PHLPP1: variants seen among roughly 807,000 people sequenced by gnomAD.
The protein encoded by PHLPP1 is PH domain and leucine rich repeat protein phosphatase 1.
Under a neutral mutation model 117.2 loss-of-function variants are expected in PHLPP1, and 42 were observed. The ratio of observed to expected loss-of-function variants is 0.36; its 90% CI spans 0.28 to 0.46. The LOEUF (loss-of-function observed/expected upper bound fraction) is 0.46. Among genes scored for constraint, PHLPP1 ranks in the 20% least tolerant of loss-of-function variants. The pLI is 1.00. For missense variants in PHLPP1, 2,084 were observed against 2,241.9 expected, an observed-to-expected ratio of 0.93 and a Z score of 1.42; for synonymous variants, 1,042 against 970.7, an observed-to-expected ratio of 1.07 and a Z score of -1.37.
At chr18:62,726,416 T>C (rs1381948260) in intron 1 of PHLPP1, among the ~76,000 whole-genome samples, 1 of 152,010 alleles carries the variant, frequency 6.6e-6, no homozygotes, top group Admixed American at 6.6e-5. Flanking sequence ...AAGTCACTTA[T>C]ATTTTCTTTA....
At chr18:62,903,442 A>T (rs1481900580) in intron 7 of PHLPP1, among the ~76,000 whole-genome samples, 1 of 152,196 alleles carries the variant, frequency 6.6e-6, no homozygotes, top group African/African-American at 2.4e-5. Context: ...GAGAAAAGTG[A>T]ACTATTTCTT....
chr18:62,959,117 A>G (rs951238351), intron 13 of PHLPP1, among the ~76,000 whole-genome samples: 2 of 152,256 alleles, frequency 1.3e-5, no homozygotes, highest in Admixed American at 6.5e-5. Context: ...GGTTTGGGAA[A>G]GAGGTCATTG....
chr18:62,868,179 C>T (rs1915815033), intron 4 of PHLPP1, among the ~76,000 whole-genome samples: 2 of 152,040 alleles, frequency 1.3e-5, no homozygotes, highest in African/African-American at 4.8e-5. Flanking sequence ...TAACTTTTTT[C>T]TTTTCAATTT....
chr18:62,728,265 A>G (rs1243158565), intron 1 of PHLPP1, among the ~76,000 whole-genome samples: 2 of 151,714 alleles, frequency 1.3e-5, no homozygotes, highest in Non-Finnish European at 2.9e-5. Context: ...ACTGCACTCC[A>G]GCCTGGGCAA....
intron 1 of PHLPP1, among the ~76,000 whole-genome samples, chr18:62,778,992 T>C (rs899665697): frequency 6.6e-6 from 1 of 152,230 alleles, no homozygotes; most frequent in Non-Finnish European, 1.5e-5. Flanking sequence ...TCAGAGGCTA[T>C]TGAAAATTTG....
intron 14 of PHLPP1, among the ~76,000 whole-genome samples, chr18:62,965,511 G>C (rs894472344): frequency 1.7e-4 from 24 of 143,904 alleles, no homozygotes; most frequent in African/African-American, 6.2e-4. Flanking sequence ...CCAGGCCGGA[G>C]TGCAATGGCG....
At chr18:62,766,076 A>ATATATATATATATATATATATATAAT (rs1555670395) in intron 1 of PHLPP1, among the ~76,000 whole-genome samples, 1 of 21,648 alleles carries the variant, frequency 4.6e-5, no homozygotes, top group Admixed American at 7.9e-4. Flanking sequence ...AAAAAAAAAA[A>ATATATATATATATATATATATATAAT]ATATATATAT....
At chr18:62,743,148 G>A (rs183621139) in intron 1 of PHLPP1, among the ~76,000 whole-genome samples, 1 of 151,960 alleles carries the variant, frequency 6.6e-6, no homozygotes, top group Admixed American at 6.6e-5. Context: ...TAAATTAAGG[G>A]GCAGGTTAAT....
At chr18:62,892,333 C>T (rs1916448802) in intron 4 of PHLPP1, among the ~76,000 whole-genome samples, 4 of 151,922 alleles carry the variant, frequency 2.6e-5, no homozygotes, top group Admixed American at 2.6e-4. Flanking sequence ...AGGTGATCCA[C>T]CGGCCTCAGC....
chr18:62,917,014 A>T (rs1253822859), intron 9 of PHLPP1, among the ~76,000 whole-genome samples: 1 of 150,648 alleles, frequency 6.6e-6, no homozygotes, highest in African/African-American at 2.4e-5. Context: ...TCAGCCTCCC[A>T]AAGTGCTGGG....
chr18:62,969,968 T>C (rs1048966061), intron 14 of PHLPP1, among the ~76,000 whole-genome samples: 59 of 152,328 alleles, frequency 3.9e-4, no homozygotes, highest in African/African-American at 1.3e-3. Flanking sequence ...AAATTATTGA[T>C]ATGGTTAGGT....
chr18:62,812,902 A>G (rs1914164556), intron 1 of PHLPP1, among the ~76,000 whole-genome samples: 1 of 152,198 alleles, frequency 6.6e-6, no homozygotes, highest in Non-Finnish European at 1.5e-5. Context: ...ATCTGTTACA[A>G]TGGAAGTGAC....
intron 10 of PHLPP1, among the ~76,000 whole-genome samples, chr18:62,920,865 T>C (rs562766149): frequency 9.2e-5 from 14 of 152,306 alleles, no homozygotes; most frequent in South Asian, 4.1e-4. Context: ...CTAGGACTTA[T>C]TGTTTTTTAA....
chr18:62,749,292 T>A (rs1911773265), intron 1 of PHLPP1, among the ~76,000 whole-genome samples: 1 of 151,822 alleles, frequency 6.6e-6, no homozygotes, highest in Admixed American at 6.6e-5. Flanking sequence ...CCAAACCTCC[T>A]GGGAGTGGGG....
intron 1 of PHLPP1, among the ~76,000 whole-genome samples, chr18:62,735,052 T>C (rs1018749522): frequency 1.4e-4 from 21 of 151,612 alleles, no homozygotes; most frequent in African/African-American, 5.1e-4. Context: ...TTTTTTTTTT[T>C]TCTTTTTTTT....
At chr18:62,852,892 AC>A (rs1915394871) in intron 3 of PHLPP1, among the ~76,000 whole-genome samples, 1 of 152,224 alleles carries the variant, frequency 6.6e-6, no homozygotes, top group Non-Finnish European at 1.5e-5. Context: ...GATGCAGAGT[AC>A]TGTCCTCTTG....
rs750563751 is a variant in PHLPP1, at chr18:62,716,400, C to G, written c.717C>G (p.His239Gln). 4 of 1,478,426 alleles carry G rather than the reference C, an allele frequency of 2.7e-6. No homozygotes were observed. Among genetic ancestry groups the G allele is most frequent in the Non-Finnish European group, 3.6e-6 (4 of 1,118,756 alleles). 91.6% of individuals were successfully genotyped at this position (1,478,426 alleles called of 1,614,324 possible). The change falls in exon 1 of 17, where the codon CAC becomes CAG. Residue 239 changes from histidine to glutamine, a missense_variant. Transcript: ENST00000262719. This position sits in a 1 kb window ranked among gnomAD's most constrained non-coding sequence, Gnocchi z 5.7. ...CCGCCCGCCTGCTGCAGCTGGGCCA[C>G]AAAGGCGGCGGCGTGGTGAAGGTGC... ...EVAARLLQLG[H>Q]KGGGVVKVLG...
chr18:62,946,378 G>C lies in PHLPP1; in HGVS notation c.3324+1107G>C, dbSNP rs115773051. 1.3e-3 allele frequency among the ~76,000 whole-genome samples: 199 copies of C among 152,180 alleles called. 2 individuals carry two copies. Among genetic ancestry groups the C allele is most frequent in the African/African-American group, 4.7e-3 (194 of 41,524 alleles). On this transcript the variant is annotated intron_variant, in intron 12 of 16. Coordinates refer to ENST00000262719, the MANE Select transcript of PHLPP1 (RefSeq NM_194449.4). Reference sequence around the variant, plus strand: ...TCTTCCGGGTTCAAGCGATTCGCTCGCCGCAGCCTCCCGACTAGCTGGGAT... The same window carrying C: ...TCTTCCGGGTTCAAGCGATTCGCTCCCCGCAGCCTCCCGACTAGCTGGGAT...
intron 1 of PHLPP1, among the ~76,000 whole-genome samples, chr18:62,795,614 C>T (rs1050907659): frequency 4.6e-5 from 7 of 151,800 alleles, no homozygotes; most frequent in African/African-American, 1.7e-4. Flanking sequence ...CTCTTCTCTA[C>T]AGGAATCTTT....
Sources: gnomAD v4.1 joint callset for allele counts (sites outside exome capture counted in the v4.1 genomes callset) on GRCh38, gnomAD v4.1.1 for gene constraint, Gnocchi (gnomAD v3.1) non-coding constraint, MANE v1.5 for transcripts, NCBI Gene and HGNC (gene_info 2026-07-23, HGNC 2026-07-21) for gene names.